The following N4BP2L1 variants were observed in gnomAD, a reference collection of about 807,000 sequenced individuals.
N4BP2L1 encodes NEDD4 binding protein 2 like 1.
In N4BP2L1, 12 loss-of-function variants were observed where a neutral mutation model predicts 21.2. That is an observed-to-expected ratio of 0.57 (90% CI 0.36 to 0.92). The LOEUF (loss-of-function observed/expected upper bound fraction) is 0.92, where lower values mean the gene tolerates loss of function less well. N4BP2L1 is among the 40% of genes least tolerant of loss of function. N4BP2L1 has a pLI of 0.01. For synonymous variants in N4BP2L1, 104 were observed against 112.8 expected, an observed-to-expected ratio of 0.92 and a Z score of 0.49; for missense variants, 259 against 310.6, an observed-to-expected ratio of 0.83 and a Z score of 1.25.
chr13:32,413,127 C>T (rs1043498165), intron 1 of N4BP2L1, among the ~76,000 whole-genome samples: 3 of 152,100 alleles, frequency 2.0e-5, no homozygotes, highest in Non-Finnish European at 4.4e-5. Flanking sequence ...GGTTTTGCCA[C>T]GTTGGTCAGG....
intron 1 of N4BP2L1, 105 bp downstream of exon 1, chr13:32,427,799 G>T (rs1398614227): frequency 1.6e-5 from 11 of 673,636 alleles, no homozygotes; most frequent in Non-Finnish European, 2.2e-5. Flanking sequence ...CACCCGCGGC[G>T]GGGGCGCAAG....
intron 1 of N4BP2L1, among the ~76,000 whole-genome samples, chr13:32,411,265 A>C (rs1260297461): frequency 6.0e-5 from 9 of 151,212 alleles, no homozygotes; most frequent in Non-Finnish European, 1.2e-4. Flanking sequence ...TGGCCTCCAT[A>C]CTCTTCCTAA....
intron 1 of N4BP2L1, chr13:32,425,135 C>A (rs1056314976): frequency 1.3e-5 from 2 of 152,080 alleles, no homozygotes; most frequent in African/African-American, 4.8e-5. Context: ...ACACAGATAA[C>A]CTTACAGTTT....
chr13:32,405,464 C>T (rs994993236), intron 3 of N4BP2L1, among the ~76,000 whole-genome samples: 2 of 152,158 alleles, frequency 1.3e-5, no homozygotes, highest in African/African-American at 4.8e-5. Flanking sequence ...GAGCTGAGAT[C>T]GTGCCACTGC....
rs1285513006 is a variant in N4BP2L1, at chr13:32,410,517, AAAG to A, written c.180-2748_180-2746del. On this transcript the variant is annotated intron_variant, in intron 1 of 4. Coordinates refer to ENST00000380130, the MANE Select transcript of N4BP2L1 (RefSeq NM_052818.3). ...GTGACACGAAGGAAGGGATAAGTATAAAGAAGACTTGATGAACCAGTGCTCATA... is the reference window on the plus strand; with the variant it reads ...GTGACACGAAGGAAGGGATAAGTATAAAGACTTGATGAACCAGTGCTCATA... Among the ~76,000 whole-genome samples the A allele has an allele frequency of 7.2e-5, 11 of 152,348 alleles. No individual in the cohort carries two copies. The South Asian group carries it at 1.9e-3, about 26-fold the overall frequency.
chr13:32,427,367 C>G (rs1200078012), intron 1 of N4BP2L1, among the ~76,000 whole-genome samples: 1 of 152,266 alleles, frequency 6.6e-6, no homozygotes, highest in East Asian at 1.9e-4. Flanking sequence ...CCCCCGGACC[C>G]CTCGTTTATG....
rs1404381389 is a variant in N4BP2L1, at chr13:32,402,896, G to A, written c.*46C>T. 9.2e-6 allele frequency: 14 copies of A among 1,518,084 alleles called. No homozygotes were observed. In the Admixed American group the frequency reaches 2.4e-4, roughly 26 times the overall value. The allele number at this position is 1,518,084 out of a possible 1,614,324, so 94.0% of individuals were successfully genotyped here. Reference sequence around the variant, plus strand: ...GCAACAAAAAATAACAAAAACTGAAGTAGAAACTGACTTAGGAAAATTCTG... The same window carrying A: ...GCAACAAAAAATAACAAAAACTGAAATAGAAACTGACTTAGGAAAATTCTG... On this transcript the variant is annotated 3_prime_UTR_variant, in exon 5 of 5. Coordinates refer to ENST00000380130, the MANE Select transcript of N4BP2L1 (RefSeq NM_052818.3).
At chr13:32,412,145 C>T (rs940823621) in intron 1 of N4BP2L1, among the ~76,000 whole-genome samples, 2 of 151,886 alleles carry the variant, frequency 1.3e-5, no homozygotes, top group Non-Finnish European at 2.9e-5. Context: ...TATAGTTTGC[C>T]CTCTCCTTTT....
chr13:32,411,208 T>TAGATCCCATCAGG (rs1403040497), intron 1 of N4BP2L1, among the ~76,000 whole-genome samples: 1 of 152,174 alleles, frequency 6.6e-6, no homozygotes, highest in African/African-American at 2.4e-5. Flanking sequence ...TCAGGATCAC[T>TAGATCCCATCAGG]ATGGGGCAAG....
intron 1 of N4BP2L1, among the ~76,000 whole-genome samples, chr13:32,419,096 G>A: frequency 6.6e-6 from 1 of 152,036 alleles, no homozygotes; most frequent in Non-Finnish European, 1.5e-5. Flanking sequence ...GGAGCCAGGG[G>A]CAGTCCCCAC....
At chr13:32,415,745 G>C (rs1427282611) in intron 1 of N4BP2L1, among the ~76,000 whole-genome samples, 1 of 152,118 alleles carries the variant, frequency 6.6e-6, no homozygotes, top group Non-Finnish European at 1.5e-5. Context: ...AAAGACAAAA[G>C]AAATAATAAC....
intron 1 of N4BP2L1, among the ~76,000 whole-genome samples, chr13:32,414,517 T>C (rs1321338902): frequency 1.3e-5 from 2 of 152,204 alleles, no homozygotes; most frequent in Non-Finnish European, 2.9e-5. Context: ...CAGCAATTGC[T>C]TTTTAATTTT....
chr13:32,415,474 C>G (rs1455109700), intron 1 of N4BP2L1, among the ~76,000 whole-genome samples: 1 of 152,014 alleles, frequency 6.6e-6, no homozygotes, highest in African/African-American at 2.4e-5. Context: ...GTTGTATTTA[C>G]TCTGGTTATT....
Position 32,418,320 on chromosome 13 carries a change from C to T in N4BP2L1, c.179+9584G>A, listed in dbSNP as rs59624612. Among the ~76,000 whole-genome samples, 574 of 152,358 alleles carry T rather than the reference C, an allele frequency of 3.8e-3. 2 individuals carry two copies. The highest frequency in any genetic ancestry group is 0.013 in the African/African-American group (527 of 41,590). Reference sequence around the variant, plus strand: ...TGCTTCAGGGGGTACAAGCCCCAAGCCTTGGCAGCTGCCACATGGTGTTGG... The same window carrying T: ...TGCTTCAGGGGGTACAAGCCCCAAGTCTTGGCAGCTGCCACATGGTGTTGG... On this transcript the variant is annotated intron_variant, in intron 1 of 4. Transcript: ENST00000380130.
At position 32,402,147 on chromosome 13, in the gene N4BP2L1, T is replaced by C; in HGVS notation, c.*795A>G. 1 of 985,150 alleles carries C rather than the reference T, an allele frequency of 1.0e-6. No individual in the cohort carries two copies. Among genetic ancestry groups the C allele is most frequent in the Non-Finnish European group, 1.2e-6 (1 of 829,680 alleles). The allele number at this position is 985,150 out of a possible 1,614,324, so 61.0% of individuals were successfully genotyped here. ...ATAATTTTAGAAGTCGTTTATTCCT[T>C]TTAAAAGTTAGTGTTTTATGAAGGC... On this transcript the variant is annotated 3_prime_UTR_variant, in exon 5 of 5. Transcript: ENST00000380130.
intron 1 of N4BP2L1, among the ~76,000 whole-genome samples, chr13:32,424,700 T>A (rs961737919): frequency 6.6e-6 from 1 of 152,210 alleles, no homozygotes; most frequent in South Asian, 2.1e-4. Context: ...ATCTGTAATA[T>A]GCTTTTTAAA....
At chr13:32,416,605 T>A (rs1426394984) in intron 1 of N4BP2L1, 1 of 152,300 alleles carries the variant, frequency 6.6e-6, no homozygotes, top group Non-Finnish European at 1.5e-5. Flanking sequence ...GATGCTAAAA[T>A]TGCCTTTTTT....
chr13:32,414,252 T>C (rs1229989257), intron 1 of N4BP2L1, among the ~76,000 whole-genome samples: 2 of 152,248 alleles, frequency 1.3e-5, no homozygotes, highest in Non-Finnish European at 1.5e-5. Context: ...TGATTTTTAA[T>C]GATATGGCAT....
intron 1 of N4BP2L1, among the ~76,000 whole-genome samples, chr13:32,417,818 G>A (rs1164729681): frequency 6.6e-6 from 1 of 152,316 alleles, no homozygotes; most frequent in Non-Finnish European, 1.5e-5. Context: ...CTGGAGTAAA[G>A]GTCACTCTTG....
Sources: allele counts gnomAD v4.1 joint callset (sites outside exome capture counted in the v4.1 genomes callset), GRCh38; gene constraint gnomAD v4.1.1; transcripts MANE v1.5; gene names NCBI Gene and HGNC (gene_info 2026-07-23, HGNC 2026-07-21).